The following DPY19L3 variants were observed in gnomAD, a reference collection of about 807,000 sequenced individuals.
DPY19L3 encodes the protein protein C-mannosyl-transferase DPY19L3.
A neutral mutation model predicts 92.3 loss-of-function variants in DPY19L3; 51 were observed. The ratio of observed to expected loss-of-function variants is 0.55; its 90% CI spans 0.44 to 0.70. The LOEUF (loss-of-function observed/expected upper bound fraction) is 0.70, where lower values mean the gene tolerates loss of function less well. Ranked by LOEUF, DPY19L3 falls within the 30% of genes least tolerant of loss-of-function variation. The probability of loss-of-function intolerance (pLI) is 0.00; values close to 1 mark genes in which losing one functional copy is unlikely to be tolerated. For synonymous variants in DPY19L3, 309 were observed against 315.2 expected (o/e 0.98, Z 0.21); for missense variants, 706 against 855.9 (o/e 0.82, Z 2.18).
chr19:32,443,995 A>G (rs1969405314), intron 8 of DPY19L3, among the ~76,000 whole-genome samples: 1 of 151,426 alleles, frequency 6.6e-6, no homozygotes, highest in African/African-American at 2.4e-5. Flanking sequence ...AGATGGGGCC[A>G]CTGCATTCCA....
At chr19:32,412,348 G>A (rs939174407) in intron 3 of DPY19L3, 1 of 142,936 alleles carries the variant, frequency 7.0e-6, no homozygotes, top group African/African-American at 2.7e-5. Flanking sequence ...TAGGGTTGAG[G>A]ATTGTTTTGT....
rs1268648741 is a variant in DPY19L3, at chr19:32,483,627, A to G, written c.*1387A>G. 1.3e-5 allele frequency: 2 copies of G among 152,346 alleles called. No individual in the cohort carries two copies. The highest frequency in any genetic ancestry group is 3.8e-4 in the East Asian group (2 of 5,208). The allele number at this position is 152,346 out of a possible 1,614,324, so 9.4% of individuals were successfully genotyped here. On this transcript the variant is annotated 3_prime_UTR_variant, in exon 19 of 19. Transcript: ENST00000392250. ...TATATTCAGTTGCTACTTATAAAGC[A>G]GCATTCAAAAAGTCTTTTACACTGT...
chr19:32,407,264 T>TCCCCCCCCC (rs148363125), intron 1 of DPY19L3, among the ~76,000 whole-genome samples: 3 of 81,318 alleles, frequency 3.7e-5, no homozygotes, highest in Non-Finnish European at 7.4e-5. Flanking sequence ...AGGCTCCTGC[T>TCCCCCCCCC]CCCCCCCACC....
intron 16 of DPY19L3, among the ~76,000 whole-genome samples, chr19:32,470,575 G>A (rs1381845620): frequency 2.0e-5 from 3 of 152,092 alleles, no homozygotes; most frequent in Non-Finnish European, 4.4e-5. Context: ...TATTTGTAGT[G>A]CCTTTATTTT....
intron 3 of DPY19L3, among the ~76,000 whole-genome samples, chr19:32,432,242 C>T (rs1045470500): frequency 6.6e-6 from 1 of 152,106 alleles, no homozygotes; most frequent in African/African-American, 2.4e-5. Context: ...ATCCATTTAC[C>T]TGCATAAACC....
chr19:32,482,038 AT>A, intron 18 of DPY19L3, 40 bp from the exon 19 acceptor site: 4 of 1,596,956 alleles, frequency 2.5e-6, no homozygotes. Flanking sequence ...TGTAAATAGA[AT>A]TTTCCCCCCA....
Position 32,483,377 on chromosome 19 carries a change from A to G in DPY19L3, c.*1137A>G, listed in dbSNP as rs1970725689. 6.6e-6 allele frequency: 1 copy of G among 152,622 alleles called. No individual in the cohort carries two copies. The highest frequency in any genetic ancestry group is 2.4e-5 in the African/African-American group (1 of 41,446). The allele number at this position is 152,622 out of a possible 1,614,324, so 9.5% of individuals were successfully genotyped here. A position where few individuals can be genotyped will look rare whatever the true frequency, so the allele number is the denominator to read the frequency against. On this transcript the variant is annotated 3_prime_UTR_variant, in exon 19 of 19. Transcript: ENST00000392250. ...AAGAAGAGTATATGTACCTGCTCAA[A>G]ATTTTTTTGATAATCGCTTATATAA...
intron 8 of DPY19L3, among the ~76,000 whole-genome samples, chr19:32,450,716 G>A (rs1043727621): frequency 1.3e-5 from 2 of 152,174 alleles, no homozygotes; most frequent in Non-Finnish European, 2.9e-5. Context: ...GGTAGGGGAT[G>A]ATGGAGAGTG....
At chr19:32,464,470 C>G (rs1970140984) in intron 14 of DPY19L3, among the ~76,000 whole-genome samples, 1 of 152,152 alleles carries the variant, frequency 6.6e-6, no homozygotes, top group African/African-American at 2.4e-5. Context: ...ATATTGGAGA[C>G]TTGTGCTCCA....
At chr19:32,457,644 A>T (rs1470480519) in intron 10 of DPY19L3, among the ~76,000 whole-genome samples, 1 of 152,190 alleles carries the variant, frequency 6.6e-6, no homozygotes, top group African/African-American at 2.4e-5. Flanking sequence ...ACTGTCTTGA[A>T]TTGTCTTTGA....
intron 1 of DPY19L3, chr19:32,406,301 A>G (rs901896282): frequency 2.6e-5 from 4 of 152,322 alleles, no homozygotes; most frequent in African/African-American, 9.7e-5. Context: ...CGTGGCGCGT[A>G]GGTAAGCGGA....
At chr19:32,466,077 C>T (rs1970190940) in intron 15 of DPY19L3, among the ~76,000 whole-genome samples, 1 of 152,208 alleles carries the variant, frequency 6.6e-6, no homozygotes, top group African/African-American at 2.4e-5. Context: ...TTTCATACTG[C>T]CCGTGTGCAT....
intron 18 of DPY19L3, 179 bp from the exon 19 acceptor site, chr19:32,481,900 C>T: frequency 1.5e-6 from 1 of 661,372 alleles, no homozygotes; most frequent in South Asian, 2.1e-5. Context: ...CCTTGGTCTG[C>T]ACTTCTGAAG....
intron 3 of DPY19L3, among the ~76,000 whole-genome samples, chr19:32,426,524 A>T (rs1309114616): frequency 3.9e-5 from 6 of 152,132 alleles, no homozygotes. Context: ...GATGTGCCAC[A>T]CTTCCTTTCG....
At chr19:32,410,249 C>A (rs1968131296) in intron 2 of DPY19L3, among the ~76,000 whole-genome samples, 1 of 152,042 alleles carries the variant, frequency 6.6e-6, no homozygotes, top group African/African-American at 2.4e-5. Flanking sequence ...TGTTCATGTC[C>A]TTAATCTTTT....
chr19:32,421,912 C>T (rs564299451), intron 3 of DPY19L3, among the ~76,000 whole-genome samples: 18 of 151,990 alleles, frequency 1.2e-4, no homozygotes, highest in Non-Finnish European at 2.5e-4. Flanking sequence ...AGGGAGGCAA[C>T]CTGCATTTCG....
At chr19:32,432,043 A>G (rs780827672) in intron 3 of DPY19L3, among the ~76,000 whole-genome samples, 3 of 152,212 alleles carry the variant, frequency 2.0e-5, no homozygotes, top group Non-Finnish European at 4.4e-5. Context: ...AATAAAGTGT[A>G]TCATCTAACA....
intron 17 of DPY19L3, among the ~76,000 whole-genome samples, chr19:32,478,859 C>G (rs1333339461): frequency 6.6e-6 from 1 of 152,228 alleles, no homozygotes; most frequent in Non-Finnish European, 1.5e-5. Flanking sequence ...CTGCACATCA[C>G]TCTTTCCAGG....
intron 3 of DPY19L3, among the ~76,000 whole-genome samples, chr19:32,432,088 TCATTGTTGCC>T (rs1968989116): frequency 1.3e-5 from 2 of 152,202 alleles, no homozygotes; most frequent in Admixed American, 1.3e-4. Context: ...GTCTTCCGTG[TCATTGTTGCC>T]CATTGCTTCT....
Sources: allele counts gnomAD v4.1 joint callset (sites outside exome capture counted in the v4.1 genomes callset), GRCh38; gene constraint gnomAD v4.1.1; transcripts MANE v1.5; gene names NCBI Gene and HGNC (gene_info 2026-07-23, HGNC 2026-07-21).